Variants in PRPF38A observed in about 807,000 individuals in gnomAD.
PRPF38A encodes pre-mRNA processing factor 38A, also known as pre-mRNA-splicing factor 38A.
A neutral mutation model predicts 46.8 loss-of-function variants in PRPF38A; 11 were observed. The observed-to-expected ratio is 0.24, with a 90% confidence interval of 0.15 to 0.39. The LOEUF is 0.39. Ranked by LOEUF, PRPF38A falls within the 10% of genes least tolerant of loss-of-function variation. PRPF38A has a pLI of 1.00. For missense variants in PRPF38A, 261 were observed against 407.5 expected (o/e 0.64, Z 3.10); for synonymous variants, 124 against 136.2 (o/e 0.91, Z 0.62).
chr1:52,416,001 C>T (rs1222957291), intron 9 of PRPF38A, among the ~76,000 whole-genome samples: 2 of 151,930 alleles, frequency 1.3e-5, no homozygotes, highest in Non-Finnish European at 2.9e-5. Flanking sequence ...CGCCACCACC[C>T]TTGGCTAATT....
chr1:52,414,033 A>G, intron 6 of PRPF38A, 42 bp downstream of exon 6: 8 of 1,340,746 alleles, frequency 6.0e-6, no homozygotes, highest in Non-Finnish European at 8.5e-6. Context: ...GATTTTGAGC[A>G]CTGTAGCCTA....
intron 6 of PRPF38A, among the ~76,000 whole-genome samples, 180 bp downstream of exon 6, chr1:52,414,171 C>G (rs1408126398): frequency 1.3e-5 from 2 of 152,302 alleles, no homozygotes; most frequent in East Asian, 3.9e-4. Context: ...ACCATTTGTT[C>G]CTTTCACAAG....
intron 5 of PRPF38A, 54 bp from the exon 6 acceptor site, chr1:52,413,825 A>G (rs1041878395): frequency 5.2e-5 from 61 of 1,165,878 alleles, no homozygotes; most frequent in Admixed American, 2.6e-4. Context: ...TAGTGTTCCT[A>G]GATGGCTCTT....
chr1:52,414,034 C>A, intron 6 of PRPF38A, 43 bp downstream of exon 6: 1 of 1,338,306 alleles, frequency 7.5e-7, no homozygotes, highest in Non-Finnish European at 1.1e-6. Flanking sequence ...ATTTTGAGCA[C>A]TGTAGCCTAG....
intron 5 of PRPF38A, 146 bp downstream of exon 5, chr1:52,412,770 C>T (rs1207534526): frequency 2.5e-5 from 14 of 567,768 alleles, no homozygotes; most frequent in South Asian, 4.3e-5. Context: ...GAGGCCAAGG[C>T]GAGTGGATGA....
At chr1:52,410,536 C>CT (rs1353027634) in intron 3 of PRPF38A, among the ~76,000 whole-genome samples, 2 of 148,676 alleles carry the variant, frequency 1.3e-5, no homozygotes, top group Admixed American at 6.7e-5. Flanking sequence ...GAGTCTCACT[C>CT]TGTTGCCCAG....
rs760284784 is a variant in PRPF38A at position 52,414,858 on chromosome 1, A to G, written c.846A>G (p.Pro282=). 4 of 1,613,998 alleles carry G rather than the reference A, an allele frequency of 2.5e-6. No homozygotes were observed. The South Asian group carries it at 4.4e-5, about 18-fold the overall frequency. Reference sequence around the variant, plus strand: ...GGCACAGATCCCGTTCCAAGTCCCCAGGTAAAGCTTGTGGGCCTTTTGCCA... The same window carrying G: ...GGCACAGATCCCGTTCCAAGTCCCCGGGTAAAGCTTGTGGGCCTTTTGCCA... The part of the protein sequence containing the change: ...DRRHRSRSKS[P]GHHRSHRHRS... Residue 282 remains proline, a splice_region_variant and synonymous_variant, in exon 8 of 10, where the codon CCA becomes CCG. Coordinates refer to ENST00000257181, the MANE Select transcript of PRPF38A (RefSeq NM_032864.4).
Position 52,404,602 on chromosome 1 carries a change from A to C in PRPF38A, c.-148A>C, listed in dbSNP as rs1422131723. On this transcript the variant is annotated 5_prime_UTR_variant, in exon 1 of 10. Transcript: ENST00000257181. The stretch of plus-strand genomic sequence containing the variant: ...GCGACGCGGGGAGCGGAAGCCCTTT[A>C]CACTACGGTGTTTCCGGCTTCAAGA... 1.3e-6 allele frequency: 1 copy of C among 786,940 alleles called. No homozygotes were observed. Among genetic ancestry groups the C allele is most frequent in the Non-Finnish European group, 2.0e-6 (1 of 505,154 alleles). The allele number at this position is 786,940 out of a possible 1,614,324, so 48.7% of individuals were successfully genotyped here. A position where few individuals can be genotyped will look rare whatever the true frequency, so the allele number is the denominator to read the frequency against.
Position 52,414,770 on chromosome 1 carries a change from C to G in PRPF38A, c.758C>G (p.Pro253Arg). Residue 253 changes from proline (P) to arginine (R), a missense_variant, in exon 8 of 10, where the codon CCT becomes CGT. Transcript: ENST00000257181. ...ACCAGTCTTTTCTACAGCCCCTCCC[C>G]TCGCCGAGAAAGGCATCGGAGCAAG... is the stretch of plus-strand genomic sequence containing the variant. ...SRSPKRRSPS[P>R]RRERHRSKSP... is the part of the protein sequence containing the mutation. The G allele has an allele frequency of 1.9e-6, 3 of 1,614,160 alleles. No individual in the cohort carries two copies. Among genetic ancestry groups the G allele is most frequent in the Non-Finnish European group, 1.7e-6 (2 of 1,180,028 alleles).
chr1:52,406,690 C>G (rs558876578), intron 2 of PRPF38A, among the ~76,000 whole-genome samples: 1 of 152,172 alleles, frequency 6.6e-6, no homozygotes, highest in South Asian at 2.1e-4. Context: ...TACCGATTCT[C>G]GAGGAAATCA....
intron 3 of PRPF38A, 127 bp downstream of exon 3, chr1:52,408,817 T>C (rs1236441616): frequency 4.9e-6 from 6 of 1,227,836 alleles, no homozygotes; most frequent in Non-Finnish European, 3.4e-6. Flanking sequence ...ACTGTCTCTA[T>C]GCAGGTTTTC....
At chr1:52,405,162 G>C (rs149870124) in intron 1 of PRPF38A, among the ~76,000 whole-genome samples, 54 of 152,284 alleles carry the variant, frequency 3.5e-4, no homozygotes, top group African/African-American at 1.2e-3. Flanking sequence ...GTTAAGCTCA[G>C]GGATCCGGAT....
At chr1:52,408,262 A>G in intron 2 of PRPF38A, 1 of 434,980 alleles carries the variant, frequency 2.3e-6, no homozygotes, top group Non-Finnish European at 4.4e-6. Context: ...AAAATTCAGT[A>G]TTTCTTTTGA....
chr1:52,415,832 CTTTTTTTTTTTTTT>C (rs71041898), intron 9 of PRPF38A, among the ~76,000 whole-genome samples: 23 of 51,574 alleles, frequency 4.5e-4, no homozygotes, highest in Non-Finnish European at 6.7e-4. Flanking sequence ...TGGGTGCACT[CTTTTTTTTTTTTTT>C]TTTTTTTTTT....
intron 5 of PRPF38A, among the ~76,000 whole-genome samples, chr1:52,413,434 T>C (rs1199928084): frequency 6.6e-6 from 1 of 151,528 alleles, no homozygotes; most frequent in Non-Finnish European, 1.5e-5. Flanking sequence ...TGAGATAGGG[T>C]CTTGCTCTGT....
In PRPF38A at chr1:52,420,688, G is replaced by C. The variant is rs1234221453; in HGVS notation, c.*3998G>C. 1.3e-5 allele frequency: 2 copies of C among 152,150 alleles called. No individual in the cohort carries two copies. The highest frequency in any genetic ancestry group is 2.9e-5 in the Non-Finnish European group (2 of 68,008). 9.4% of individuals were successfully genotyped at this position (152,150 alleles called of 1,614,324 possible). ...ACTATTTGTATATATGTGCCTGTAT[G>C]ATTAAGAGAGATGGTTGGAATGAAT... On this transcript the variant is annotated 3_prime_UTR_variant, in exon 10 of 10. Transcript: ENST00000257181.
chr1:52,407,645 G>T (rs372747097), intron 2 of PRPF38A, among the ~76,000 whole-genome samples: 3 of 152,222 alleles, frequency 2.0e-5, no homozygotes, highest in African/African-American at 7.2e-5. Flanking sequence ...ATATGGCCAG[G>T]TGTGGTGGCT....
At chr1:52,412,254 G>T (rs1354968650) in intron 4 of PRPF38A, among the ~76,000 whole-genome samples, 1 of 152,146 alleles carries the variant, frequency 6.6e-6, no homozygotes, top group Non-Finnish European at 1.5e-5. Flanking sequence ...TATACTGATT[G>T]ATATTCCCAT....
In PRPF38A at chr1:52,411,118, T is replaced by G. The variant is rs1243951537; in HGVS notation, c.416T>G (p.Phe139Cys). ...KIKSQNRNGEFELMHVDEFID... is the reference protein window; with the variant it reads ...KIKSQNRNGECELMHVDEFID... ...CTCTAATGACTTTTTCTTGCAGAGT[T>G]TGAATTGATGCATGTTGATGAGTTT... The change falls in exon 4 of 10, where the codon TTT becomes TGT. Residue 139 changes from phenylalanine to cysteine, a missense_variant. Physicochemically the swap from Phe to Cys is radical, Grantham distance 205. Coordinates refer to ENST00000257181, the MANE Select transcript of PRPF38A (RefSeq NM_032864.4). The G allele has an allele frequency of 6.2e-7, 1 of 1,612,162 alleles. No homozygotes were observed. Among genetic ancestry groups the G allele is most frequent in the Non-Finnish European group, 8.5e-7 (1 of 1,178,620 alleles).
Sources: gnomAD v4.1 joint callset for allele counts (sites outside exome capture counted in the v4.1 genomes callset) on GRCh38, gnomAD v4.1.1 for gene constraint, MANE v1.5 for transcripts, NCBI Gene and HGNC (gene_info 2026-07-23, HGNC 2026-07-21) for gene names.